The following MGLL variants were observed in gnomAD, a reference collection of about 807,000 sequenced individuals.
The protein encoded by MGLL is monoglyceride lipase, also known as lysophospholipase homolog.
MGLL carries 7 observed loss-of-function variants against 29.1 expected under a neutral mutation model. That is an observed-to-expected ratio of 0.24 (90% CI 0.14 to 0.45). MGLL has a LOEUF of 0.45. Among genes scored for constraint, MGLL ranks in the 20% least tolerant of loss-of-function variants. MGLL has a pLI of 0.99. For synonymous variants in MGLL, 148 were observed against 168.3 expected, an observed-to-expected ratio of 0.88 and a Z score of 0.93; for missense variants, 356 against 413.6, an observed-to-expected ratio of 0.86 and a Z score of 1.21.
At chr3:127,814,455 C>CA (rs2077718228) in intron 2 of MGLL, among the ~76,000 whole-genome samples, 2 of 152,190 alleles carry the variant, frequency 1.3e-5, no homozygotes, top group Admixed American at 1.3e-4. Context: ...TAAAAATTTG[C>CA]ACCAGTAAAG....
intron 5 of MGLL, among the ~76,000 whole-genome samples, chr3:127,717,524 G>A (rs1382015884): frequency 6.6e-6 from 1 of 152,226 alleles, no homozygotes; most frequent in Non-Finnish European, 1.5e-5. Context: ...TGGGCTCCCA[G>A]GGGCAACCCC....
intron 3 of MGLL, among the ~76,000 whole-genome samples, chr3:127,747,666 G>A (rs1203177788): frequency 6.6e-6 from 1 of 152,200 alleles, no homozygotes; most frequent in Admixed American, 6.5e-5. Context: ...ATGGGCACAG[G>A]TATGATCATT....
At chr3:127,706,145 C>T (rs1338783544) in intron 6 of MGLL, among the ~76,000 whole-genome samples, 3 of 152,182 alleles carry the variant, frequency 2.0e-5, no homozygotes, top group African/African-American at 7.2e-5. Context: ...TGCACCGCCA[C>T]GGGCACAGCA....
chr3:127,776,708 G>T (rs2077042868), intron 3 of MGLL, among the ~76,000 whole-genome samples: 1 of 152,226 alleles, frequency 6.6e-6, no homozygotes, highest in Non-Finnish European at 1.5e-5. Context: ...TGCTCATTGA[G>T]GGGACCCGGC....
chr3:127,741,131 A>G (rs1466123730), intron 3 of MGLL, among the ~76,000 whole-genome samples: 1 of 152,270 alleles, frequency 6.6e-6, no homozygotes, highest in Non-Finnish European at 1.5e-5. Context: ...AGACAGGACA[A>G]CTAGGTCTCT....
chr3:127,714,592 T>C (rs1244577438), intron 5 of MGLL, among the ~76,000 whole-genome samples: 2 of 152,120 alleles, frequency 1.3e-5, no homozygotes, highest in African/African-American at 4.8e-5. Flanking sequence ...GAAGGCCTGG[T>C]GTAGATTCTG....
intron 6 of MGLL, 34 bp from the exon 7 acceptor site, chr3:127,695,224 G>A (rs1171404235): frequency 1.3e-6 from 2 of 1,593,152 alleles, no homozygotes; most frequent in Non-Finnish European, 1.7e-6. Flanking sequence ...CATCAGCATG[G>A]GCAGGGCTCA....
intron 2 of MGLL, among the ~76,000 whole-genome samples, chr3:127,818,117 C>A (rs943914821): frequency 1.3e-5 from 2 of 152,234 alleles, no homozygotes; most frequent in African/African-American, 4.8e-5. Flanking sequence ...TCTGCCACCA[C>A]ACCCCGGTAA....
At position 127,745,376 on chromosome 3, in the gene MGLL, A is replaced by G. The variant is rs192511258; in HGVS notation, c.263-22810T>C. On this transcript the variant is annotated intron_variant, in intron 3 of 7. Coordinates refer to ENST00000265052, the MANE Select transcript of MGLL (RefSeq NM_007283.7). ...GAATGCTGCTAGGTCCTCAAAACGA[A>G]TGAAATCCTGTCATTTGCAACAACA... is the stretch of plus-strand genomic sequence containing the variant. Among the ~76,000 whole-genome samples, 6 of 152,336 alleles carry G rather than the reference A, an allele frequency of 3.9e-5. No individual in the cohort carries two copies. The South Asian group carries it at 8.3e-4, about 21-fold the overall frequency.
At chr3:127,722,649 G>A (rs1047951892) in intron 3 of MGLL, 83 bp from the exon 4 acceptor site, 28 of 1,578,336 alleles carry the variant, frequency 1.8e-5, no homozygotes, top group South Asian at 1.1e-4. Context: ...CACTGCAATC[G>A]CTCTCTCTCC....
intron 6 of MGLL, among the ~76,000 whole-genome samples, chr3:127,700,555 C>G (rs1046575830): frequency 1.3e-5 from 2 of 152,218 alleles, no homozygotes; most frequent in African/African-American, 4.8e-5. Flanking sequence ...CTGTCCTGTC[C>G]TCTGCATGGC....
chr3:127,769,945 A>G (rs544768193), intron 3 of MGLL, among the ~76,000 whole-genome samples: 2 of 152,120 alleles, frequency 1.3e-5, no homozygotes, highest in Non-Finnish European at 1.5e-5. Flanking sequence ...TCCACCTGTC[A>G]TCTCGACATC....
intron 3 of MGLL, among the ~76,000 whole-genome samples, chr3:127,768,218 C>A (rs775701344): frequency 6.6e-6 from 1 of 152,174 alleles, no homozygotes. Context: ...ATCTACCAAA[C>A]ATTGAAGGAA....
In MGLL at chr3:127,801,832, A is replaced by T. The variant is rs921859337; in HGVS notation, c.155+19862T>A. 2.0e-5 allele frequency among the ~76,000 whole-genome samples: 3 copies of T among 148,970 alleles called. No individual in the cohort carries two copies. The Admixed American group carries it at 2.0e-4, about 10-fold the overall frequency. On this transcript the variant is annotated intron_variant, in intron 2 of 7. Transcript: ENST00000265052. ...ATAATATAAAATATTTATATATATA[A>T]TTTTTTTTCTAGAAAGGATGAAGCC...
intron 5 of MGLL, 60 bp downstream of exon 5, chr3:127,720,993 A>C: frequency 7.0e-7 from 1 of 1,435,572 alleles, no homozygotes; most frequent in African/African-American, 1.4e-5. Flanking sequence ...CAGGCTACAA[A>C]TGGAAGACCC....
chr3:127,725,835 G>A (rs907436440), intron 3 of MGLL, among the ~76,000 whole-genome samples: 1 of 152,144 alleles, frequency 6.6e-6, no homozygotes, highest in Non-Finnish European at 1.5e-5. Flanking sequence ...GGAGGCCAGG[G>A]TGGAAAGATC....
chr3:127,809,435 G>A (rs188812039), intron 2 of MGLL, among the ~76,000 whole-genome samples: 1 of 152,060 alleles, frequency 6.6e-6, no homozygotes, highest in African/African-American at 2.4e-5. Context: ...TGACATGCCT[G>A]GGCAACATAG....
chr3:127,806,790 G>A (rs1162382148), intron 2 of MGLL, among the ~76,000 whole-genome samples: 2 of 152,122 alleles, frequency 1.3e-5, no homozygotes, highest in East Asian at 3.8e-4. Context: ...ACTTTGGGAG[G>A]CCGAGGCGGG....
chr3:127,703,713 GA>G (rs1399125781), intron 6 of MGLL, among the ~76,000 whole-genome samples: 9 of 152,046 alleles, frequency 5.9e-5, no homozygotes, highest in Admixed American at 1.3e-4. Context: ...ACATCAGAAA[GA>G]AAAAAACCCT....
Sources: allele counts gnomAD v4.1 joint callset (sites outside exome capture counted in the v4.1 genomes callset), GRCh38; gene constraint gnomAD v4.1.1; transcripts MANE v1.5; gene names NCBI Gene and HGNC (gene_info 2026-07-23, HGNC 2026-07-21).